Variants in MICU1 observed in about 807,000 individuals in gnomAD.
MICU1 encodes the protein calcium uptake protein 1, mitochondrial.
In MICU1, 45 loss-of-function variants were observed where a neutral mutation model predicts 56.8. That is an observed-to-expected ratio of 0.79 (90% CI 0.62 to 1.02). MICU1 has a LOEUF of 1.02. Among genes scored for constraint, MICU1 ranks in the 50% least tolerant of loss-of-function variants. The pLI is 0.00. For missense variants in MICU1, 504 were observed against 587.1 expected, an observed-to-expected ratio of 0.86 and a Z score of 1.46; for synonymous variants, 186 against 195.1, an observed-to-expected ratio of 0.95 and a Z score of 0.39.
At chr10:72,420,834 C>T (rs1042014767) in intron 9 of MICU1, among the ~76,000 whole-genome samples, 3 of 151,578 alleles carry the variant, frequency 2.0e-5, no homozygotes, top group African/African-American at 7.3e-5. Flanking sequence ...TGCCACCATG[C>T]CTGGCTAGTT....
chr10:72,557,608 C>G (rs559002476), intron 3 of MICU1, among the ~76,000 whole-genome samples: 13 of 152,154 alleles, frequency 8.5e-5, no homozygotes, highest in Non-Finnish European at 1.6e-4. Context: ...GTTTTTACGT[C>G]AGACAGACTT....
At chr10:72,621,971 T>C (rs957945624) in intron 1 of MICU1, among the ~76,000 whole-genome samples, 5 of 152,216 alleles carry the variant, frequency 3.3e-5, no homozygotes, top group Non-Finnish European at 7.3e-5. Flanking sequence ...TGGAGTGCAG[T>C]GGCACGATCT....
At chr10:72,389,750 T>C (rs1437640110) in intron 10 of MICU1, among the ~76,000 whole-genome samples, 1 of 152,234 alleles carries the variant, frequency 6.6e-6, no homozygotes, top group African/African-American at 2.4e-5. Flanking sequence ...GATATTCTCC[T>C]GGCAGAAATT....
At chr10:72,617,016 T>C (rs941692135) in intron 1 of MICU1, among the ~76,000 whole-genome samples, 6 of 152,240 alleles carry the variant, frequency 3.9e-5, no homozygotes, top group African/African-American at 1.4e-4. Context: ...GGGATTACTC[T>C]CCTTTGCTGC....
intron 5 of MICU1, among the ~76,000 whole-genome samples, chr10:72,510,116 C>T (rs955042796): frequency 1.3e-5 from 2 of 152,004 alleles, no homozygotes; most frequent in African/African-American, 2.4e-5. Flanking sequence ...GGTTGAGAAA[C>T]AGACAAAAGT....
At chr10:72,545,767 A>G (rs1215974094) in intron 4 of MICU1, among the ~76,000 whole-genome samples, 11 of 152,232 alleles carry the variant, frequency 7.2e-5, no homozygotes, top group Admixed American at 6.5e-4. Context: ...TCTCTACAGA[A>G]TGTAAATTTC....
At chr10:72,489,205 G>A (rs935224021) in intron 6 of MICU1, among the ~76,000 whole-genome samples, 2 of 151,318 alleles carry the variant, frequency 1.3e-5, no homozygotes, top group African/African-American at 2.4e-5. Flanking sequence ...CACGAGAATC[G>A]CTTAAAACCT....
chr10:72,562,147 CTTTTTTTTTTTT>C (rs533702573), intron 3 of MICU1, among the ~76,000 whole-genome samples: 2 of 82,650 alleles, frequency 2.4e-5, no homozygotes, highest in East Asian at 6.3e-4. Context: ...TACATAAAAT[CTTTTTTTTTTTT>C]TTTTTTTTTT....
At chr10:72,568,090 G>C (rs2132478429) in intron 1 of MICU1, among the ~76,000 whole-genome samples, 1 of 152,154 alleles carries the variant, frequency 6.6e-6, no homozygotes, top group African/African-American at 2.4e-5. Flanking sequence ...CCTAGGAGGG[G>C]AGACTTTGCT....
intron 10 of MICU1, among the ~76,000 whole-genome samples, chr10:72,378,280 C>T (rs1452663716): frequency 6.6e-6 from 1 of 151,972 alleles, no homozygotes; most frequent in Non-Finnish European, 1.5e-5. Flanking sequence ...ACAAAAAAAC[C>T]CTGAAAATCC....
chr10:72,475,183 CA>C lies in MICU1; in HGVS notation c.849del (p.Phe283LeufsTer5), dbSNP rs767345966. On this transcript the variant is annotated frameshift_variant, in exon 8 of 12. Coordinates refer to ENST00000361114, the MANE Select transcript of MICU1 (RefSeq NM_001195518.2). LOFTEE classifies it high-confidence loss of function. ...GLCSALTTYFFGADLKGKLTI... is the reference protein window; with the variant it reads ...GLCSALTTYFXGADLKGKLTI... The stretch of plus-strand genomic sequence containing the variant: ...GTCAGCTTTCCCTTCAGATCAGCTC[CA>C]AAAAAGTAGGTTGTGAGGGCTGAAC... 1.2e-6 allele frequency: 2 copies of C among 1,611,262 alleles called. No individual in the cohort carries two copies. The highest frequency in any genetic ancestry group is 2.2e-5 in the East Asian group (1 of 44,850).
At chr10:72,504,621 A>G (rs774509735) in intron 6 of MICU1, among the ~76,000 whole-genome samples, 4 of 152,206 alleles carry the variant, frequency 2.6e-5, no homozygotes, top group Non-Finnish European at 4.4e-5. Context: ...GCAAAAATTG[A>G]CAAGTGAGAC....
At chr10:72,442,513 T>C (rs1864970178) in intron 8 of MICU1, among the ~76,000 whole-genome samples, 1 of 152,214 alleles carries the variant, frequency 6.6e-6, no homozygotes, top group Admixed American at 6.5e-5. Context: ...ATTTTATACA[T>C]GTATTCCAAA....
intron 1 of MICU1, among the ~76,000 whole-genome samples, chr10:72,586,609 G>A (rs1470011216): frequency 6.6e-6 from 1 of 151,184 alleles, no homozygotes; most frequent in African/African-American, 2.4e-5. Context: ...CCAAGATCGT[G>A]CCACTGTACT....
In MICU1 at chr10:72,593,212, T is replaced by A. The variant is rs1841277408; in HGVS notation, c.-1-26418A>T. The stretch of plus-strand genomic sequence containing the variant: ...ATGGTAAAAAACTGAAAGCTTTTCC[T>A]TTAAGATCAAGAACAAGGCAAGGAT... On this transcript the variant is annotated intron_variant, in intron 1 of 11. Coordinates refer to ENST00000361114, the MANE Select transcript of MICU1 (RefSeq NM_001195518.2). Among the ~76,000 whole-genome samples the A allele has an allele frequency of 2.6e-5, 4 of 152,210 alleles. No individual in the cohort carries two copies. In the South Asian group the frequency reaches 8.3e-4, roughly 32 times the overall value.
At chr10:72,535,716 A>G (rs969827393) in intron 4 of MICU1, among the ~76,000 whole-genome samples, 1 of 152,234 alleles carries the variant, frequency 6.6e-6, no homozygotes, top group African/African-American at 2.4e-5. Context: ...CAGGAGAATC[A>G]GAATAGAATC....
At chr10:72,623,354 GAGAA>G (rs2132596500) in intron 1 of MICU1, among the ~76,000 whole-genome samples, 1 of 135,466 alleles carries the variant, frequency 7.4e-6, no homozygotes, top group East Asian at 2.0e-4. Flanking sequence ...GGAGGGGAGG[GAGAA>G]AGAAAGGGAG....
chr10:72,442,709 T>A (rs1170059153), intron 8 of MICU1, among the ~76,000 whole-genome samples: 2 of 152,236 alleles, frequency 1.3e-5, no homozygotes, highest in African/African-American at 4.8e-5. Context: ...TTCAGTGCTA[T>A]TACAGTAGGT....
chr10:72,381,629 C>T lies in MICU1; in HGVS notation c.1181-5757G>A, dbSNP rs117675432. Reference sequence around the variant, plus strand: ...CCTATGCCCGCTGACCCCCTGTGTACTCAGGCTGCCTGACTGTCAGAGGTG... The same window carrying T: ...CCTATGCCCGCTGACCCCCTGTGTATTCAGGCTGCCTGACTGTCAGAGGTG... On this transcript the variant is annotated intron_variant, in intron 10 of 11. Coordinates refer to ENST00000361114, the MANE Select transcript of MICU1 (RefSeq NM_001195518.2). Among the ~76,000 whole-genome samples, 1,134 of 152,258 alleles carry T rather than the reference C, an allele frequency of 7.4e-3. 11 individuals carry two copies. The highest frequency in any genetic ancestry group is 0.035 in the East Asian group (181 of 5,184).
Sources: gnomAD v4.1 joint callset for allele counts (sites outside exome capture counted in the v4.1 genomes callset) on GRCh38, gnomAD v4.1.1 for gene constraint, MANE v1.5 for transcripts, NCBI Gene and HGNC (gene_info 2026-07-23, HGNC 2026-07-21) for gene names.